The following NLGN1 variants were observed in gnomAD, a reference collection of about 807,000 sequenced individuals.
The protein encoded by NLGN1 is neuroligin 1.
Under a neutral mutation model 65.5 loss-of-function variants are expected in NLGN1, and 12 were observed. The ratio of observed to expected loss-of-function variants is 0.18; its 90% CI spans 0.12 to 0.30. The LOEUF (loss-of-function observed/expected upper bound fraction) is 0.30. NLGN1 is among the 10% of genes least tolerant of loss of function. The pLI, the probability that NLGN1 is intolerant of heterozygous loss-of-function variation, is 1.00. For missense variants in NLGN1, 750 were observed against 1,007.1 expected, an observed-to-expected ratio of 0.74 and a Z score of 3.46; for synonymous variants, 350 against 359.5, an observed-to-expected ratio of 0.97 and a Z score of 0.30.
chr3:174,125,548 C>T (rs1360693449), intron 4 of NLGN1, among the ~76,000 whole-genome samples: 5 of 152,032 alleles, frequency 3.3e-5, no homozygotes, highest in Non-Finnish European at 7.4e-5. Context: ...TGTGGACATA[C>T]TCTTCTTAGG....
chr3:174,248,105 A>G (rs1744127246), intron 4 of NLGN1, among the ~76,000 whole-genome samples: 1 of 152,222 alleles, frequency 6.6e-6, no homozygotes, highest in Non-Finnish European at 1.5e-5. Flanking sequence ...CAGATTTGCA[A>G]GTGGAACTCA....
At chr3:173,456,726 C>T (rs753536457) in intron 2 of NLGN1, among the ~76,000 whole-genome samples, 1 of 151,950 alleles carries the variant, frequency 6.6e-6, no homozygotes, top group Non-Finnish European at 1.5e-5. Context: ...CATTACTACC[C>T]GTAAGCATGA....
chr3:173,672,416 T>C (rs1233441326), intron 3 of NLGN1, among the ~76,000 whole-genome samples: 1 of 152,234 alleles, frequency 6.6e-6, no homozygotes, highest in Non-Finnish European at 1.5e-5. Flanking sequence ...CATAAGGTTA[T>C]TGTTTACAAC....
chr3:174,254,306 A>ATTTTTTTTTTTTTTTTTTTTTTTT (rs371427726), intron 4 of NLGN1, among the ~76,000 whole-genome samples: 2 of 113,758 alleles, frequency 1.8e-5, no homozygotes, highest in African/African-American at 3.5e-5. Flanking sequence ...GTCCTTTTTA[A>ATTTTTTTTTTTTTTTTTTTTTTTT]TTTTTTTTTT....
At chr3:173,447,915 A>T (rs1720693499) in intron 2 of NLGN1, among the ~76,000 whole-genome samples, 3 of 152,238 alleles carry the variant, frequency 2.0e-5, no homozygotes, top group Admixed American at 6.5e-5. Flanking sequence ...TTGATTTTAT[A>T]TCCTGAGACT....
In NLGN1 at chr3:174,279,730, G is replaced by T. The variant is rs1751240131; in HGVS notation, c.1649+80G>T. On this transcript the variant is annotated intron_variant, in intron 6 of 6. Coordinates refer to ENST00000457714, the Ensembl canonical transcript of NLGN1. The surrounding 1 kb of genome is among the most constrained non-coding windows in gnomAD (Gnocchi z 4.7). ...TTAAAATAATAGATATTTATGCCCA[G>T]ATAATGTCATATTGGATTAATACCT... is the stretch of plus-strand genomic sequence containing the variant. The T allele has an allele frequency of 3.7e-6, 3 of 815,154 alleles. No individual in the cohort carries two copies. Among genetic ancestry groups the T allele is most frequent in the Non-Finnish European group, 5.8e-6 (3 of 517,734 alleles). 50.5% of individuals were successfully genotyped at this position (815,154 alleles called of 1,614,324 possible).
At chr3:174,267,249 C>T (rs1329111635) in intron 4 of NLGN1, among the ~76,000 whole-genome samples, 1 of 152,192 alleles carries the variant, frequency 6.6e-6, no homozygotes, top group Non-Finnish European at 1.5e-5. Flanking sequence ...GCAGCATCTA[C>T]TTCTGGTGAG....
At chr3:174,292,217 A>AAAAAAC in the NLGN1 span, among the ~76,000 whole-genome samples, 1 of 151,312 alleles carries the variant, frequency 6.6e-6, no homozygotes, top group Non-Finnish European at 1.5e-5. Context: ...GCAAACTATG[A>AAAAAAC]TCAAGCTAGT....
chr3:173,644,575 C>T (rs16828950), intron 3 of NLGN1: 33,079 of 163,984 alleles, frequency 0.2, 3,711 homozygotes, highest in African/African-American at 0.3. Flanking sequence ...GCCTATCACC[C>T]TGGAGTATGC....
At chr3:173,498,996 C>T (rs1298251443) in intron 2 of NLGN1, among the ~76,000 whole-genome samples, 6 of 151,254 alleles carry the variant, frequency 4.0e-5, no homozygotes, top group African/African-American at 7.4e-5. Flanking sequence ...TTCTCCCATT[C>T]TGTAGGTTGC....
intron 2 of NLGN1, among the ~76,000 whole-genome samples, chr3:173,602,370 T>C (rs1043488965): frequency 7.9e-5 from 12 of 151,960 alleles, no homozygotes; most frequent in African/African-American, 2.9e-4. Context: ...CTTCTGAAAA[T>C]TTTGGGGGGT....
At chr3:173,700,057 T>TATC (rs1766894341) in intron 3 of NLGN1, among the ~76,000 whole-genome samples, 2 of 152,240 alleles carry the variant, frequency 1.3e-5, no homozygotes, top group African/African-American at 4.8e-5. Context: ...GTTAGTTATT[T>TATC]ATCTTTTGGG....
rs185253564 is a variant in NLGN1 at position 174,189,976 on chromosome 3, C to T, written c.647-85339C>T. Among the ~76,000 whole-genome samples the T allele has an allele frequency of 4.6e-5, 7 of 152,074 alleles. No individual in the cohort carries two copies. The East Asian group carries it at 1.2e-3, about 25-fold the overall frequency. On this transcript the variant is annotated intron_variant, in intron 4 of 6. Transcript: ENST00000457714. ...TACAAAAAGTCTCCAAGTTATTAGG[C>T]TGGGAGGGAAGCCAATTTACAGCTA... is the stretch of plus-strand genomic sequence containing the variant.
chr3:173,930,236 T>G (rs1743851104), intron 4 of NLGN1, among the ~76,000 whole-genome samples: 1 of 152,250 alleles, frequency 6.6e-6, no homozygotes, highest in African/African-American at 2.4e-5. Flanking sequence ...AATCGCATAT[T>G]ATTCCAGGTT....
intron 2 of NLGN1, among the ~76,000 whole-genome samples, chr3:173,482,242 T>C (rs1293697675): frequency 6.6e-6 from 1 of 151,980 alleles, no homozygotes; most frequent in East Asian, 1.9e-4. Flanking sequence ...CTTGTATGTC[T>C]ACATTTTTTA....
chr3:174,153,582 T>A (rs1724811506), intron 4 of NLGN1, among the ~76,000 whole-genome samples: 1 of 152,158 alleles, frequency 6.6e-6, no homozygotes. Context: ...GGAAACATCT[T>A]TGAAATGTTT....
chr3:174,127,990 G>A (rs1374323793), intron 4 of NLGN1, among the ~76,000 whole-genome samples: 3 of 152,036 alleles, frequency 2.0e-5, no homozygotes, highest in Non-Finnish European at 4.4e-5. Flanking sequence ...GCTGATTTTT[G>A]CCACTTTGTT....
At chr3:173,810,574 CTG>C (rs1717710246) in intron 4 of NLGN1, among the ~76,000 whole-genome samples, 1 of 152,160 alleles carries the variant, frequency 6.6e-6, no homozygotes, top group Admixed American at 6.5e-5. Context: ...GTAGTGCAAT[CTG>C]TGTTGATTTG....
At chr3:173,597,475 G>A (rs191922594) in intron 2 of NLGN1, among the ~76,000 whole-genome samples, 106 of 152,216 alleles carry the variant, frequency 7.0e-4, no homozygotes, top group Non-Finnish European at 1.4e-3. Context: ...GAATCCAGCT[G>A]ATATTTCAAA....
Sources: allele counts gnomAD v4.1 joint callset (sites outside exome capture counted in the v4.1 genomes callset), GRCh38; gene constraint gnomAD v4.1.1; non-coding constraint Gnocchi (gnomAD v3.1); transcripts MANE v1.5; gene names NCBI Gene and HGNC (gene_info 2026-07-23, HGNC 2026-07-21).